The following ARAP2 variants were observed in gnomAD, a reference collection of about 807,000 sequenced individuals.
ARAP2 encodes the protein ArfGAP with RhoGAP domain, ankyrin repeat and PH domain 2.
Under a neutral mutation model 194.5 loss-of-function variants are expected in ARAP2, and 148 were observed. That is an observed-to-expected ratio of 0.76 (90% confidence interval 0.67 to 0.87). ARAP2 has a LOEUF of 0.87. ARAP2 is among the 40% of genes least tolerant of loss of function. The pLI is 0.00. For synonymous variants in ARAP2, 695 were observed against 683.5 expected (o/e 1.02, Z -0.26); for missense variants, 2,128 against 1,989.7 (o/e 1.07, Z -1.32).
chr4:36,153,562 G>T (rs1028541359), intron 15 of ARAP2, among the ~76,000 whole-genome samples: 1 of 152,022 alleles, frequency 6.6e-6, no homozygotes, highest in South Asian at 2.1e-4. Flanking sequence ...TTGGCAAGAG[G>T]GATTATTCAT....
chr4:36,177,601 T>C (rs1667589161), intron 9 of ARAP2, among the ~76,000 whole-genome samples: 1 of 152,130 alleles, frequency 6.6e-6, no homozygotes. Context: ...ACTTCCTCAA[T>C]ACCACAAAAG....
rs1382267435 is a variant in ARAP2, at chr4:36,212,449, T to A, written c.1080A>T (p.Glu360Asp). 2 of 1,612,444 alleles carry A rather than the reference T, an allele frequency of 1.2e-6. No individual in the cohort carries two copies. Among genetic ancestry groups the A allele is most frequent in the South Asian group, 1.1e-5 (1 of 90,972 alleles). Residue 360 changes from glutamate to aspartate, a missense_variant, in exon 5 of 33, where the codon GAA becomes GAT. By Grantham distance (45) the Glu-to-Asp change is conservative (BLOSUM62 2). Transcript: ENST00000303965. ...CAGTAGCTGCTTCCCCTTTGAGTGC[T>A]TCTCCCTGGGTCAAAAATTCATTCT... ...SIKNEFLTQG[E>D]ALKGEAATAT...
In ARAP2 at chr4:36,092,011, G is replaced by T; in HGVS notation, c.4295C>A (p.Thr1432Lys). 2 of 1,594,352 alleles carry T rather than the reference G, an allele frequency of 1.3e-6. No individual in the cohort carries two copies. Among genetic ancestry groups the T allele is most frequent in the Non-Finnish European group, 1.7e-6 (2 of 1,165,636 alleles). Residue 1432 changes from threonine to lysine, a missense_variant, in exon 28 of 33, where the codon ACA becomes AAA. By Grantham distance (78) the Thr-to-Lys change is moderately conservative (BLOSUM62 -1). Transcript: ENST00000303965. ...GATTCCTTCTTTGATGCTTCCCAGT[G>T]TACTCCGGTCTGTAAAGTACAGCAT... is the stretch of plus-strand genomic sequence containing the variant. ...DTIKHCSDRS[T>K]LGSIKEGILK...
chr4:36,192,397 T>A (rs1742128113), intron 7 of ARAP2, among the ~76,000 whole-genome samples: 1 of 152,152 alleles, frequency 6.6e-6, no homozygotes, highest in Non-Finnish European at 1.5e-5. Flanking sequence ...GCAGTTGAGA[T>A]AAGCTTTAAA....
At chr4:36,109,113 C>T (rs1381261335) in intron 26 of ARAP2, among the ~76,000 whole-genome samples, 1 of 151,958 alleles carries the variant, frequency 6.6e-6, no homozygotes, top group Non-Finnish European at 1.5e-5. Context: ...GTTTCCCCTG[C>T]TATGAACATA....
chr4:36,222,599 T>C (rs1749423301), intron 2 of ARAP2, among the ~76,000 whole-genome samples: 1 of 152,054 alleles, frequency 6.6e-6, no homozygotes, highest in Non-Finnish European at 1.5e-5. Context: ...TACAAAAGCA[T>C]GCACGAGTAG....
chr4:36,020,610 A>G (rs1716758166), intron 5 of ARAP2, among the ~76,000 whole-genome samples: 1 of 152,202 alleles, frequency 6.6e-6, no homozygotes, highest in Non-Finnish European at 1.5e-5. Flanking sequence ...TGCACAATTT[A>G]AAAGTTATGA....
intron 5 of ARAP2, among the ~76,000 whole-genome samples, chr4:36,042,012 G>A (rs1321003007): frequency 1.3e-5 from 2 of 152,028 alleles, no homozygotes; most frequent in African/African-American, 4.8e-5. Context: ...ACAAACACTG[G>A]GGTCTACTTG....
intron 3 of ARAP2, among the ~76,000 whole-genome samples, chr4:36,047,596 C>T (rs1722037598): frequency 2.0e-5 from 3 of 152,054 alleles, no homozygotes; most frequent in Admixed American, 2.0e-4. Flanking sequence ...TCATTTATTC[C>T]TCAATATTCA....
chr4:36,095,534 T>C (rs565468673), intron 27 of ARAP2, among the ~76,000 whole-genome samples: 2 of 152,268 alleles, frequency 1.3e-5, no homozygotes, highest in South Asian at 4.2e-4. Flanking sequence ...TGCTCCTGTG[T>C]ACTGTAATTT....
intron 1 of ARAP2, among the ~76,000 whole-genome samples, chr4:36,233,734 A>C (rs1004926013): frequency 6.6e-6 from 1 of 152,248 alleles, no homozygotes; most frequent in African/African-American, 2.4e-5. Flanking sequence ...AGTGACTCGC[A>C]CATAGTGCCT....
At chr4:36,220,777 T>C (rs1006394276) in intron 2 of ARAP2, among the ~76,000 whole-genome samples, 4 of 152,134 alleles carry the variant, frequency 2.6e-5, no homozygotes, top group Non-Finnish European at 4.4e-5. Flanking sequence ...ATATAAAGAA[T>C]ATTTTTGTGC....
rs544186470 is a variant in ARAP2 at position 36,161,331 on chromosome 4, T to C, written c.2259+134A>G. On this transcript the variant is annotated intron_variant, in intron 12 of 32. Coordinates refer to ENST00000303965, the MANE Select transcript of ARAP2 (RefSeq NM_015230.4). ...TACTATCAAAAAGGCTATAAGCCAC[T>C]TCCATAATGTGGTGAGAACTTTATC... is the stretch of plus-strand genomic sequence containing the variant. The C allele has an allele frequency of 2.3e-4, 149 of 641,014 alleles. 1 individual carries two copies. In the Middle Eastern group the frequency reaches 3.8e-3, roughly 16 times the overall value. The allele number at this position is 641,014 out of a possible 1,614,324, so 39.7% of individuals were successfully genotyped here.
chr4:36,203,561 G>A (rs1744898631), intron 6 of ARAP2, among the ~76,000 whole-genome samples: 1 of 151,714 alleles, frequency 6.6e-6, no homozygotes, highest in Non-Finnish European at 1.5e-5. Context: ...TCCATCCTGG[G>A]TGACAGAGCA....
chr4:36,171,865 T>G (rs180924941), intron 9 of ARAP2, among the ~76,000 whole-genome samples: 222 of 152,174 alleles, frequency 1.5e-3, no homozygotes, highest in African/African-American at 5.1e-3. Flanking sequence ...TTTTAAAAAA[T>G]AGAATGCAAT....
chr4:36,180,290 A>C (rs1440075269), intron 8 of ARAP2, among the ~76,000 whole-genome samples: 1 of 152,158 alleles, frequency 6.6e-6, no homozygotes, highest in Non-Finnish European at 1.5e-5. Flanking sequence ...CCCCGCCAAA[A>C]AAAAAAGAAT....
chr4:36,111,660 T>C (rs1720019332), intron 26 of ARAP2, among the ~76,000 whole-genome samples: 1 of 152,200 alleles, frequency 6.6e-6, no homozygotes, highest in Admixed American at 6.6e-5. Flanking sequence ...AGTCTTAGCA[T>C]TGTATATACT....
chr4:36,121,746 T>C (rs1008999430), intron 22 of ARAP2, among the ~76,000 whole-genome samples: 1 of 151,664 alleles, frequency 6.6e-6, no homozygotes, highest in African/African-American at 2.4e-5. Context: ...ATTAGACATA[T>C]AATTGACAGT....
At chr4:36,157,159 G>A (rs1039227774) in intron 15 of ARAP2, among the ~76,000 whole-genome samples, 5 of 152,084 alleles carry the variant, frequency 3.3e-5, no homozygotes, top group African/African-American at 4.8e-5. Flanking sequence ...AGAAAATCTC[G>A]TGTTTCAATC....
Sources: allele counts gnomAD v4.1 joint callset (sites outside exome capture counted in the v4.1 genomes callset), GRCh38; gene constraint gnomAD v4.1.1; transcripts MANE v1.5; gene names NCBI Gene and HGNC (gene_info 2026-07-23, HGNC 2026-07-21).